The following RAB35 variants were observed in gnomAD, a reference collection of about 807,000 sequenced individuals.
RAB35 encodes ras-related protein Rab-35.
RAB35 carries 4 observed loss-of-function variants against 28.9 expected under a neutral mutation model. The observed-to-expected ratio is 0.14, with a 90% CI of 0.07 to 0.32. The LOEUF (loss-of-function observed/expected upper bound fraction) is 0.32, where lower values mean the gene tolerates loss of function less well. Ranked by LOEUF, RAB35 falls within the 10% of genes least tolerant of loss-of-function variation. RAB35 has a pLI of 1.00. For missense variants in RAB35, 128 were observed against 274.0 expected, an observed-to-expected ratio of 0.47 and a Z score of 3.76; for synonymous variants, 99 against 105.1, an observed-to-expected ratio of 0.94 and a Z score of 0.35.
chr12:120,112,191 T>G (rs1364127579), intron 1 of RAB35, among the ~76,000 whole-genome samples: 1 of 152,166 alleles, frequency 6.6e-6, no homozygotes, highest in Non-Finnish European at 1.5e-5. Flanking sequence ...TTGGCCAAGC[T>G]GGTCTCGAGC....
rs2139048719 is a variant in RAB35, at chr12:120,099,117, C to T, written c.265G>A (p.Asp89Asn). The T allele has an allele frequency of 6.2e-7, 1 of 1,614,258 alleles. No homozygotes were observed. Among genetic ancestry groups the T allele is most frequent in the Non-Finnish European group, 8.5e-7 (1 of 1,180,028 alleles). Residue 89 changes from aspartate (D) to asparagine (N), a missense_variant, in exon 4 of 6, where the codon GAC becomes AAC. Asp to Asn is a conservative substitution (Grantham distance 23). Transcript: ENST00000229340. The part of the protein sequence containing the change: ...RGTHGVIVVY[D>N]VTSAESFVNV... ...ACAAAGGACTCGGCACTGGTGACGT[C>T]GTAAACCACAATGACCCCGTGGGTC...
chr12:120,100,405 G>T (rs1245626491), intron 3 of RAB35, among the ~76,000 whole-genome samples: 1 of 152,240 alleles, frequency 6.6e-6, no homozygotes, highest in Non-Finnish European at 1.5e-5. Context: ...CCTTAACTGG[G>T]GTGGTCATGA....
rs1876353187 is a variant in RAB35 at position 120,116,657 on chromosome 12, C to T, written c.-7G>A. 2 of 1,223,096 alleles carry T rather than the reference C, an allele frequency of 1.6e-6. No homozygotes were observed. Among genetic ancestry groups the T allele is most frequent in the Non-Finnish European group, 2.0e-6 (2 of 982,160 alleles). 75.8% of individuals were successfully genotyped at this position (1,223,096 alleles called of 1,614,324 possible). A position where few individuals can be genotyped will look rare whatever the true frequency, so the allele number is the denominator to read the frequency against. Reference sequence around the variant, plus strand: ...GGTCGTAGTCCCGGGCCATGGCGGGCGGGGGCGGTGCGCGCGGGCGGGCGG... The same window carrying T: ...GGTCGTAGTCCCGGGCCATGGCGGGTGGGGGCGGTGCGCGCGGGCGGGCGG... On this transcript the variant is annotated 5_prime_UTR_variant, in exon 1 of 6. Transcript: ENST00000229340.
At chr12:120,102,611 C>T (rs1023854690) in intron 3 of RAB35, among the ~76,000 whole-genome samples, 1 of 152,228 alleles carries the variant, frequency 6.6e-6, no homozygotes, top group South Asian at 2.1e-4. Flanking sequence ...AGGAGCTGCT[C>T]GCCCAGCACA....
rs149539784 is a variant in RAB35 at position 120,115,291 on chromosome 12, C to T, written c.52+1308G>A. Among the ~76,000 whole-genome samples the T allele has an allele frequency of 3.0e-3, 461 of 152,260 alleles. 2 individuals are homozygous for T. Among genetic ancestry groups the T allele is most frequent in the African/African-American group, 9.3e-3 (388 of 41,538 alleles). On this transcript the variant is annotated intron_variant, in intron 1 of 5. Coordinates refer to ENST00000229340, the MANE Select transcript of RAB35 (RefSeq NM_006861.7). Reference sequence around the variant, plus strand: ...CACTTCCCTGACCTAGCTCTGACATCGCTACCCAACACTCCTACATCCCAA... The same window carrying T: ...CACTTCCCTGACCTAGCTCTGACATTGCTACCCAACACTCCTACATCCCAA...
chr12:120,110,011 C>A (rs188756663), intron 1 of RAB35, among the ~76,000 whole-genome samples: 3 of 152,286 alleles, frequency 2.0e-5, no homozygotes, highest in Admixed American at 6.5e-5. Flanking sequence ...AGATGAGGAA[C>A]CTCAGGCCCA....
chr12:120,107,816 G>C (rs959826405), intron 2 of RAB35, among the ~76,000 whole-genome samples: 38 of 123,918 alleles, frequency 3.1e-4, no homozygotes, highest in Non-Finnish European at 3.7e-4. Flanking sequence ...GCAGTGAGCC[G>C]AAATCGCGCC....
intron 2 of RAB35, among the ~76,000 whole-genome samples, chr12:120,107,551 C>G (rs979885710): frequency 6.6e-5 from 10 of 152,160 alleles, no homozygotes; most frequent in African/African-American, 2.2e-4. Flanking sequence ...AGTAACCCCA[C>G]TTCTACAGAA....
In RAB35 at chr12:120,112,950, G is replaced by C. The variant is rs140232776; in HGVS notation, c.52+3649C>G. On this transcript the variant is annotated intron_variant, in intron 1 of 5. Transcript: ENST00000229340. ...TTGTCCCCCAGGCTGGAGTACAGTG[G>C]CACGATCTCGGCTCACTGCAACATC... 9.7e-3 allele frequency among the ~76,000 whole-genome samples: 1,463 copies of C among 151,126 alleles called. 9 individuals carry two copies. Among genetic ancestry groups the C allele is most frequent in the Non-Finnish European group, 0.016 (1,052 of 67,818 alleles).
intron 3 of RAB35, among the ~76,000 whole-genome samples, chr12:120,100,273 C>A (rs904602642): frequency 1.1e-4 from 17 of 152,306 alleles, no homozygotes; most frequent in South Asian, 2.1e-4. Flanking sequence ...ACATCTGAGG[C>A]CCGATCTAAG....
At chr12:120,105,784 G>A (rs368041184) in intron 2 of RAB35, among the ~76,000 whole-genome samples, 3 of 152,074 alleles carry the variant, frequency 2.0e-5, no homozygotes, top group Non-Finnish European at 4.4e-5. Flanking sequence ...TTAGCCAGGC[G>A]TGGTGGCGGG....
At chr12:120,106,545 C>G (rs1418602418) in intron 2 of RAB35, among the ~76,000 whole-genome samples, 1 of 152,036 alleles carries the variant, frequency 6.6e-6, no homozygotes, top group Non-Finnish European at 1.5e-5. Flanking sequence ...GGGGCAAAAC[C>G]CACTTCTCCA....
chr12:120,101,471 C>A (rs1490935982), intron 3 of RAB35, among the ~76,000 whole-genome samples: 2 of 152,212 alleles, frequency 1.3e-5, no homozygotes, highest in Non-Finnish European at 1.5e-5. Context: ...GGGGTGACCA[C>A]AAGGCTTTTT....
Position 120,097,947 on chromosome 12 carries a change from G to T in RAB35, c.478-574C>A, listed in dbSNP as rs192372299. On this transcript the variant is annotated intron_variant, in intron 5 of 5. Transcript: ENST00000229340. ...CGCCCAGGCTGGAGTGCAGTGGCGT[G>T]ATCTCAGCTCACTGCAAACTCTGCC... Among the ~76,000 whole-genome samples, 219 of 148,110 alleles carry T rather than the reference G, an allele frequency of 1.5e-3. 1 individual carries two copies. The highest frequency in any genetic ancestry group is 4.9e-3 in the African/African-American group (194 of 39,900).
chr12:120,102,119 G>A (rs1359379441), intron 3 of RAB35, among the ~76,000 whole-genome samples: 4 of 152,190 alleles, frequency 2.6e-5, no homozygotes, highest in Admixed American at 2.6e-4. Context: ...GCAGACTCAG[G>A]GCCAACCCTG....
At chr12:120,104,078 G>T in intron 2 of RAB35, 129 bp from the exon 3 acceptor site, 1 of 1,278,466 alleles carries the variant, frequency 7.8e-7, no homozygotes, top group Non-Finnish European at 1.1e-6. Flanking sequence ...GTACATTCTA[G>T]GTCCCAGGGA....
At chr12:120,114,644 C>A (rs974346063) in intron 1 of RAB35, among the ~76,000 whole-genome samples, 1 of 152,216 alleles carries the variant, frequency 6.6e-6, no homozygotes, top group South Asian at 2.1e-4. Context: ...GCACAACCTA[C>A]GCCTACATGG....
intron 1 of RAB35, among the ~76,000 whole-genome samples, chr12:120,115,534 C>T (rs548282864): frequency 6.6e-6 from 1 of 152,332 alleles, no homozygotes; most frequent in African/African-American, 2.4e-5. Context: ...CCTTCCTGAC[C>T]TCTTGGTCAC....
At position 120,110,055 on chromosome 12, in the gene RAB35, G is replaced by C. The variant is rs528795262; in HGVS notation, c.53-1588C>G. On this transcript the variant is annotated intron_variant, in intron 1 of 5. Transcript: ENST00000229340. Reference sequence around the variant, plus strand: ...GGCCTAAGTGCCTCTGTGAGCAGCAGTAAAGCTGAGATCTGCATCCAGGCC... The same window carrying C: ...GGCCTAAGTGCCTCTGTGAGCAGCACTAAAGCTGAGATCTGCATCCAGGCC... 5.3e-5 allele frequency among the ~76,000 whole-genome samples: 8 copies of C among 152,282 alleles called. No homozygotes were observed. In the South Asian group the frequency reaches 1.7e-3, roughly 32 times the overall value.
Sources: allele counts gnomAD v4.1 joint callset (sites outside exome capture counted in the v4.1 genomes callset), GRCh38; gene constraint gnomAD v4.1.1; transcripts MANE v1.5; gene names NCBI Gene and HGNC (gene_info 2026-07-23, HGNC 2026-07-21).